Variants in GNAS observed in about 807,000 individuals in gnomAD.
The protein encoded by GNAS is GNAS complex locus, also known as protein ALEX.
GNAS carries 8 observed loss-of-function variants against 54.5 expected under a neutral mutation model. The ratio of observed to expected loss-of-function variants is 0.15; its 90% confidence interval spans 0.09 to 0.26. The LOEUF is 0.26. Ranked by LOEUF, GNAS falls within the 10% of genes least tolerant of loss-of-function variation. The pLI is 1.00. For synonymous variants in GNAS, 204 were observed against 191.4 expected, an observed-to-expected ratio of 1.07 and a Z score of -0.54; for missense variants, 170 against 529.8, an observed-to-expected ratio of 0.32 and a Z score of 6.67.
chr20:58,863,624 GT>G lies in GNAS; in HGVS notation c.43+22740del, dbSNP rs1284505587. 6.6e-6 allele frequency: 1 copy of G among 152,212 alleles called. No homozygotes were observed. The highest frequency in any genetic ancestry group is 1.5e-5 in the Non-Finnish European group (1 of 68,036). The allele number at this position is 152,212 out of a possible 1,614,324, so 9.4% of individuals were successfully genotyped here. A position where few individuals can be genotyped will look rare whatever the true frequency, so the allele number is the denominator to read the frequency against. The stretch of plus-strand genomic sequence containing the variant: ...GTACTACTTTCTAAAGAGTGTCACA[GT>G]TGAGCTTTCACAAGCTCAGTGTCAC... On this transcript the variant is annotated intron_variant, in intron 1 of 12. Coordinates refer to the GNAS transcript ENST00000306090. This position sits in a 1 kb window ranked among gnomAD's most constrained non-coding sequence, Gnocchi z 4.1.
intron 1 of GNAS, among the ~76,000 whole-genome samples, chr20:58,851,760 C>T (rs2086185240): frequency 6.6e-6 from 1 of 152,210 alleles, no homozygotes; most frequent in African/African-American, 2.4e-5. Flanking sequence ...TCAGTGGGCT[C>T]TAGCAGTAGA....
chr20:58,910,446 T>G lies in GNAS; in HGVS notation c.1038+45T>G. On this transcript the variant is annotated intron_variant, in intron 12 of 12. Coordinates refer to ENST00000371085, the MANE Select transcript of GNAS (RefSeq NM_000516.7). The surrounding 1 kb of genome is among the most constrained non-coding windows in gnomAD (Gnocchi z 5.8). ...AGTTTCCTCTCTTGTTCCTCCTCTT[T>G]TTCTCATGGATGTAAATTTACTTAA... The G allele has an allele frequency of 7.0e-7, 1 of 1,428,310 alleles. No homozygotes were observed. Among genetic ancestry groups the G allele is most frequent in the Non-Finnish European group, 9.9e-7 (1 of 1,010,686 alleles). The allele number at this position is 1,428,310 out of a possible 1,614,324, so 88.5% of individuals were successfully genotyped here. A position where few individuals can be genotyped will look rare whatever the true frequency, so the allele number is the denominator to read the frequency against.
chr20:58,875,686 C>T (rs571103215), intron 1 of GNAS, among the ~76,000 whole-genome samples: 8 of 151,058 alleles, frequency 5.3e-5, no homozygotes, highest in Admixed American at 2.0e-4. Context: ...CAGCGGGGTG[C>T]CCCCCCCACC....
In GNAS at chr20:58,910,159, C is replaced by A; in HGVS notation, c.970+78C>A. The A allele has an allele frequency of 6.9e-7, 1 of 1,441,876 alleles. No individual in the cohort carries two copies. Among genetic ancestry groups the A allele is most frequent in the Non-Finnish European group, 9.8e-7 (1 of 1,023,162 alleles). The allele number at this position is 1,441,876 out of a possible 1,614,324, so 89.3% of individuals were successfully genotyped here. A position where few individuals can be genotyped will look rare whatever the true frequency, so the allele number is the denominator to read the frequency against. The stretch of plus-strand genomic sequence containing the variant: ...AACGGTCAGGCTGAAAACCCCCATC[C>A]CCCTCCCACCACCAAACCATAAAGG... On this transcript the variant is annotated intron_variant, in intron 11 of 12. Transcript: ENST00000371085. This position sits in a 1 kb window ranked among gnomAD's most constrained non-coding sequence, Gnocchi z 5.8.
intron 1 of GNAS, among the ~76,000 whole-genome samples, chr20:58,881,516 T>C (rs2088219015): frequency 6.6e-6 from 1 of 152,158 alleles, no homozygotes; most frequent in South Asian, 2.1e-4. Context: ...CACGTGGAGA[T>C]AGCGCCGTTT....
Position 58,854,368 on chromosome 20 carries a change from C to G in GNAS, c.43+13482C>G, listed in dbSNP as rs903152482. The G allele has an allele frequency of 2.5e-6, 4 of 1,573,714 alleles. No homozygotes were observed. Among genetic ancestry groups the G allele is most frequent in the Non-Finnish European group, 3.4e-6 (4 of 1,160,414 alleles). On this transcript the variant is annotated intron_variant, in intron 1 of 12. Transcript: ENST00000306090. ...GAGATGGAAGGAGCCGCTGATGCCG[C>G]GGAGGGAGGAAAAGTACCCTCTCCG...
intron 1 of GNAS, among the ~76,000 whole-genome samples, chr20:58,871,314 A>G (rs2087430212): frequency 6.6e-6 from 1 of 152,160 alleles, no homozygotes; most frequent in African/African-American, 2.4e-5. Flanking sequence ...AAGTAAATAG[A>G]GATTAAATTT....
chr20:58,908,829 A>G, intron 6 of GNAS: 1 of 354,924 alleles, frequency 2.8e-6, no homozygotes, highest in South Asian at 3.0e-5. Context: ...AATAGAAAAA[A>G]TAAAAATAAA....
intron 1 of GNAS, among the ~76,000 whole-genome samples, chr20:58,871,748 A>G (rs1345490382): frequency 6.6e-6 from 1 of 151,968 alleles, no homozygotes; most frequent in Non-Finnish European, 1.5e-5. Context: ...GAGAAAAGAA[A>G]AGAAAGGAAA....
intron 1 of GNAS, chr20:58,884,676 C>T (rs1448308858): frequency 6.6e-6 from 1 of 152,212 alleles, no homozygotes; most frequent in Non-Finnish European, 1.5e-5. Context: ...AACAGGTTTT[C>T]CCATTACCTT....
chr20:58,901,558 C>T (rs981133050), intron 3 of GNAS, among the ~76,000 whole-genome samples: 1 of 151,690 alleles, frequency 6.6e-6, no homozygotes, highest in Non-Finnish European at 1.5e-5. Flanking sequence ...CATCTGTCCC[C>T]CCTCCCCACC....
At chr20:58,864,519 A>G (rs2086936698) in intron 1 of GNAS, among the ~76,000 whole-genome samples, 1 of 152,182 alleles carries the variant, frequency 6.6e-6, no homozygotes, top group African/African-American at 2.4e-5. Context: ...GAATTTTTAA[A>G]TGACTGGCTC....
intron 1 of GNAS, chr20:58,855,356 C>A (rs764923035): frequency 1.3e-6 from 2 of 1,545,232 alleles, no homozygotes; most frequent in East Asian, 2.4e-5. Context: ...ACTCTGCCTG[C>A]GGGCAGCAGG....
At position 58,910,287 on chromosome 20, in the gene GNAS, C is replaced by A. The variant is rs768107331; in HGVS notation, c.971-47C>A. 3 of 1,446,996 alleles carry A rather than the reference C, an allele frequency of 2.1e-6. No homozygotes were observed. The highest frequency in any genetic ancestry group is 9.7e-7 in the Non-Finnish European group (1 of 1,027,600). 89.6% of individuals were successfully genotyped at this position (1,446,996 alleles called of 1,614,324 possible). A position where few individuals can be genotyped will look rare whatever the true frequency, so the allele number is the denominator to read the frequency against. ...CTACAGAGATGCTAGCACCCCAGCT[C>A]TGCTTGAATTTTAAATTACATTAAT... On this transcript the variant is annotated intron_variant, in intron 11 of 12. Coordinates refer to ENST00000371085, the MANE Select transcript of GNAS (RefSeq NM_000516.7). This position sits in a 1 kb window ranked among gnomAD's most constrained non-coding sequence, Gnocchi z 5.8.
Position 58,841,610 on chromosome 20 carries a change from C to T in GNAS, c.43+724C>T, listed in dbSNP as rs2085731310. 1.9e-6 allele frequency: 2 copies of T among 1,041,334 alleles called. No homozygotes were observed. The highest frequency in any genetic ancestry group is 5.6e-5 in the Admixed American group (1 of 17,760). The allele number at this position is 1,041,334 out of a possible 1,614,324, so 64.5% of individuals were successfully genotyped here. On this transcript the variant is annotated intron_variant, in intron 1 of 12. Transcript: ENST00000306090. The surrounding 1 kb of genome is among the most constrained non-coding windows in gnomAD (Gnocchi z 5.0). Reference sequence around the variant, plus strand: ...AGACCGCCTCAAAGAGCGTGCGCACCTGCCCGCGCGCGCCGGAGCTGACCT... The same window carrying T: ...AGACCGCCTCAAAGAGCGTGCGCACTTGCCCGCGCGCGCCGGAGCTGACCT...
At chr20:58,891,036 G>A (rs1423058299), upstream of GNAS, among the ~76,000 whole-genome samples, 1 of 151,224 alleles carries the variant, frequency 6.6e-6, no homozygotes, top group Non-Finnish European at 1.5e-5. Flanking sequence ...GCGGTCCGGG[G>A]GGTGGAGCGT....
At chr20:58,901,427 A>ATCAGATT (rs2090590565) in intron 3 of GNAS, among the ~76,000 whole-genome samples, 1 of 152,212 alleles carries the variant, frequency 6.6e-6, no homozygotes, top group African/African-American at 2.4e-5. Context: ...GGGGGCCAGA[A>ATCAGATT]TCAGATTTCA....
intron 1 of GNAS, among the ~76,000 whole-genome samples, chr20:58,871,107 A>G (rs897333840): frequency 6.6e-6 from 1 of 152,042 alleles, no homozygotes; most frequent in African/African-American, 2.4e-5. Context: ...CAGTTCTTTC[A>G]CTTGTTCAGT....
intron 1 of GNAS, among the ~76,000 whole-genome samples, chr20:58,872,990 G>A (rs1244614192): frequency 6.6e-6 from 1 of 152,166 alleles, no homozygotes; most frequent in African/African-American, 2.4e-5. Context: ...TGGCTTCCTG[G>A]GCTGACCTGC....
Sources: gnomAD v4.1 joint callset for allele counts (sites outside exome capture counted in the v4.1 genomes callset) on GRCh38, gnomAD v4.1.1 for gene constraint, Gnocchi (gnomAD v3.1) non-coding constraint, MANE v1.5 for transcripts, NCBI Gene and HGNC (gene_info 2026-07-23, HGNC 2026-07-21) for gene names.